Variants in PFKFB3 observed in about 807,000 individuals in gnomAD.
The protein encoded by PFKFB3 is 6-phosphofructo-2-kinase/fructose-2,6-bisphosphatase 3.
PFKFB3 carries 33 observed loss-of-function variants against 68.0 expected under a neutral mutation model. That is an observed-to-expected ratio of 0.49 (90% CI 0.37 to 0.65). The LOEUF (loss-of-function observed/expected upper bound fraction) is 0.65. Ranked by LOEUF, PFKFB3 falls within the 30% of genes least tolerant of loss-of-function variation. PFKFB3 has a pLI of 0.00. For synonymous variants in PFKFB3, 315 were observed against 288.2 expected (o/e 1.09, Z -0.94); for missense variants, 586 against 712.2 (o/e 0.82, Z 2.02).
At chr10:6,191,238 A>G (rs1001658761) in intron 1 of PFKFB3, among the ~76,000 whole-genome samples, 6 of 152,250 alleles carry the variant, frequency 3.9e-5, no homozygotes, top group Non-Finnish European at 7.3e-5. Flanking sequence ...TTGATTGATT[A>G]AGAAGTTAGA....
At chr10:6,194,227 T>G (rs961657959) in intron 1 of PFKFB3, among the ~76,000 whole-genome samples, 5 of 78,922 alleles carry the variant, frequency 6.3e-5, no homozygotes, top group African/African-American at 1.7e-4. Context: ...CCCATTCCTA[T>G]TGGATAAAAG....
chr10:6,223,892 C>T lies in PFKFB3; in HGVS notation c.1214-66C>T, dbSNP rs1410584390. On this transcript the variant is annotated intron_variant, in intron 11 of 14. Coordinates refer to ENST00000379775, the MANE Select transcript of PFKFB3 (RefSeq NM_004566.4). ...TCGGCCTCCCAAAGTGCTGGGATTACAGGCGTGAGCCACCACGCCTGGCCG... is the reference window on the plus strand; with the variant it reads ...TCGGCCTCCCAAAGTGCTGGGATTATAGGCGTGAGCCACCACGCCTGGCCG... 1.1e-5 allele frequency: 15 copies of T among 1,423,652 alleles called. No individual in the cohort carries two copies. In the East Asian group the frequency reaches 2.3e-4, roughly 22 times the overall value. 88.2% of individuals were successfully genotyped at this position (1,423,652 alleles called of 1,614,324 possible).
At chr10:6,304,985 T>G in the PFKFB3 span, among the ~76,000 whole-genome samples, 154 of 114,936 alleles carry the variant, frequency 1.3e-3, no homozygotes, top group Middle Eastern at 5.2e-3. Flanking sequence ...TCTTACTATT[T>G]TAAATTAAAA....
chr10:6,261,011 G>A, the PFKFB3 span, among the ~76,000 whole-genome samples: 1 of 152,230 alleles, frequency 6.6e-6, no homozygotes, highest in Non-Finnish European at 1.5e-5. Flanking sequence ...CCCACCTGTA[G>A]TGGACAGGAG....
Position 6,146,197 on chromosome 10 carries a change from T to G in PFKFB3, c.16+1184T>G, listed in dbSNP as rs905765982. Reference sequence around the variant, plus strand: ...GGCCTGTGCTGTGCCGTCTCTCCCTTCCCGCACCCACCCATCTGCCTCTCT... The same window carrying G: ...GGCCTGTGCTGTGCCGTCTCTCCCTGCCCGCACCCACCCATCTGCCTCTCT... On this transcript the variant is annotated intron_variant, in intron 1 of 14. Coordinates refer to the PFKFB3 transcript ENST00000379789. The G allele has an allele frequency of 7.8e-6, 11 of 1,417,210 alleles. No homozygotes were observed. In the African/African-American group the frequency reaches 1.6e-4, roughly 20 times the overall value. 87.8% of individuals were successfully genotyped at this position (1,417,210 alleles called of 1,614,324 possible). A position where few individuals can be genotyped will look rare whatever the true frequency, so the allele number is the denominator to read the frequency against.
chr10:6,203,480 G>C (rs1843476638), intron 1 of PFKFB3, 144 bp downstream of exon 1: 3 of 278,212 alleles, frequency 1.1e-5, no homozygotes, highest in Non-Finnish European at 1.7e-5. Flanking sequence ...GGCGCGGGCT[G>C]CGCGTCCTTG....
chr10:6,322,416 C>T, the PFKFB3 span, among the ~76,000 whole-genome samples: 7 of 152,326 alleles, frequency 4.6e-5, no homozygotes, highest in Non-Finnish European at 5.9e-5. Context: ...TAATAGAGTC[C>T]TAAATGGCTT....
intron 1 of PFKFB3, among the ~76,000 whole-genome samples, chr10:6,204,104 C>T (rs977695049): frequency 6.6e-6 from 1 of 152,198 alleles, no homozygotes; most frequent in Non-Finnish European, 1.5e-5. Flanking sequence ...GCTGGCAGTA[C>T]CCTGCCCCGC....
intron 1 of PFKFB3, among the ~76,000 whole-genome samples, chr10:6,194,491 C>T (rs570257517): frequency 1.7e-4 from 26 of 152,302 alleles, no homozygotes; most frequent in African/African-American, 3.6e-4. Context: ...CATTTAAGGG[C>T]GAGCACCTGT....
At chr10:6,207,149 T>C (rs1213802813) in intron 1 of PFKFB3, among the ~76,000 whole-genome samples, 1 of 152,142 alleles carries the variant, frequency 6.6e-6, no homozygotes, top group Non-Finnish European at 1.5e-5. Context: ...CTGGGCACCA[T>C]TGAGCACTGA....
At chr10:6,265,322 C>T in the PFKFB3 span, among the ~76,000 whole-genome samples, 1 of 152,130 alleles carries the variant, frequency 6.6e-6, no homozygotes, top group African/African-American at 2.4e-5. Context: ...CTCATGTGAT[C>T]TGCCTGCCTC....
chr10:6,208,538 C>T (rs1033456985), intron 1 of PFKFB3, among the ~76,000 whole-genome samples: 3 of 152,072 alleles, frequency 2.0e-5, no homozygotes, highest in Admixed American at 2.0e-4. Context: ...CGAGTTACGC[C>T]GGCTGCTGGT....
At chr10:6,160,172 A>G (rs945654692) in intron 1 of PFKFB3, among the ~76,000 whole-genome samples, 2 of 152,244 alleles carry the variant, frequency 1.3e-5, no homozygotes, top group African/African-American at 4.8e-5. Flanking sequence ...GGTTACTTCC[A>G]TTTGAAGGGA....
rs144238001 is a variant in PFKFB3, at chr10:6,156,759, T to G, written c.16+11746T>G. 9.8e-3 allele frequency among the ~76,000 whole-genome samples: 1,490 copies of G among 152,202 alleles called. 63 individuals carry two copies. Among genetic ancestry groups the G allele is most frequent in the East Asian group, 0.069 (354 of 5,102 alleles). The stretch of plus-strand genomic sequence containing the variant: ...CCTTGGCCTCCCAAAGTGCTGGGAT[T>G]AGAGTTGTGAGCCACTGTGCCTGGC... On this transcript the variant is annotated intron_variant, in intron 1 of 14. Coordinates refer to the PFKFB3 transcript ENST00000379789.
At chr10:6,325,844 G>C in the PFKFB3 span, among the ~76,000 whole-genome samples, 1 of 152,150 alleles carries the variant, frequency 6.6e-6, no homozygotes, top group African/African-American at 2.4e-5. Flanking sequence ...AGATACACAC[G>C]TACATCAATG....
Position 6,206,531 on chromosome 10 carries a change from G to A in PFKFB3, c.76+3195G>A, listed in dbSNP as rs28605361. Among the ~76,000 whole-genome samples, 26 of 126,732 alleles carry A rather than the reference G, an allele frequency of 2.1e-4. 1 individual carries two copies. The highest frequency in any genetic ancestry group is 6.2e-4 in the African/African-American group (17 of 27,246). 83.1% of individuals were successfully genotyped at this position (126,732 alleles called of 152,430 possible). ...TCCTCACTTCCCAGTAGGGGCGGCC[G>A]GGCAGAGGCGCCCCTCACCTCCCGG... On this transcript the variant is annotated intron_variant, in intron 1 of 14. Coordinates refer to ENST00000379775, the MANE Select transcript of PFKFB3 (RefSeq NM_004566.4).
intron 2 of PFKFB3, among the ~76,000 whole-genome samples, chr10:6,214,962 T>C (rs1844463504): frequency 6.6e-6 from 1 of 152,230 alleles, no homozygotes; most frequent in Non-Finnish European, 1.5e-5. Context: ...GATTGTAGAC[T>C]TGGCTGGAGG....
the PFKFB3 span, among the ~76,000 whole-genome samples, chr10:6,289,206 T>G: frequency 5.9e-4 from 80 of 135,322 alleles, no homozygotes; most frequent in African/African-American, 1.6e-3. Context: ...CTCTTTAGTT[T>G]AATTAGATCT....
At chr10:6,309,635 C>G in the PFKFB3 span, among the ~76,000 whole-genome samples, 2 of 151,934 alleles carry the variant, frequency 1.3e-5, no homozygotes, top group African/African-American at 4.8e-5. Context: ...CCCTCACCCC[C>G]GCCGGCCACC....
Sources: allele counts gnomAD v4.1 joint callset (sites outside exome capture counted in the v4.1 genomes callset), GRCh38; gene constraint gnomAD v4.1.1; transcripts MANE v1.5; gene names NCBI Gene and HGNC (gene_info 2026-07-23, HGNC 2026-07-21).